Variants in PLCB1 observed in about 807,000 individuals in gnomAD.
PLCB1 encodes 1-phosphatidylinositol 4,5-bisphosphate phosphodiesterase beta-1.
A neutral mutation model predicts 161.8 loss-of-function variants in PLCB1; 46 were observed. The observed-to-expected ratio is 0.28, with a 90% CI of 0.22 to 0.36. The LOEUF (loss-of-function observed/expected upper bound fraction) is 0.36. PLCB1 is among the 10% of genes least tolerant of loss of function. The pLI, the probability that PLCB1 is intolerant of heterozygous loss-of-function variation, is 1.00. For synonymous variants in PLCB1, 517 were observed against 503.7 expected, an observed-to-expected ratio of 1.03 and a Z score of -0.35; for missense variants, 1,016 against 1,472.5, an observed-to-expected ratio of 0.69 and a Z score of 5.07.
intron 22 of PLCB1, among the ~76,000 whole-genome samples, 158 bp from the exon 23 acceptor site, chr20:8,741,306 G>A (rs1466094941): frequency 6.6e-6 from 1 of 152,176 alleles, no homozygotes; most frequent in African/African-American, 2.4e-5. Flanking sequence ...AATGGAAGAT[G>A]GATAATGACT....
intron 31 of PLCB1, among the ~76,000 whole-genome samples, chr20:8,796,806 A>G: frequency 6.6e-6 from 1 of 152,176 alleles, no homozygotes; most frequent in Non-Finnish European, 1.5e-5. Context: ...AATTTAATCT[A>G]ATAGACTTTT....
At chr20:8,253,042 T>G (rs1470030020) in intron 2 of PLCB1, among the ~76,000 whole-genome samples, 1 of 151,976 alleles carries the variant, frequency 6.6e-6, no homozygotes, top group East Asian at 1.9e-4. Context: ...TATGGTCTCC[T>G]GTAGCAAATA....
At chr20:8,821,018 C>T (rs1443818120) in intron 31 of PLCB1, among the ~76,000 whole-genome samples, 1 of 152,076 alleles carries the variant, frequency 6.6e-6, no homozygotes, top group African/African-American at 2.4e-5. Context: ...CTCTCATTAC[C>T]TCTGAGGAGT....
chr20:8,719,185 T>C (rs192187231), intron 14 of PLCB1, among the ~76,000 whole-genome samples: 1 of 152,290 alleles, frequency 6.6e-6, no homozygotes, highest in Non-Finnish European at 1.5e-5. Context: ...ACTTTTAAGC[T>C]TGACTGTAGG....
In PLCB1 at chr20:8,783,966, G is replaced by A. The variant is rs868407753; in HGVS notation, c.3112-4483G>A. Reference sequence around the variant, plus strand: ...ACAGCAGCTCCCAAGGGAAGCATGTGGGTGAGGCCATTCTCAGAAAGCAGA... The same window carrying A: ...ACAGCAGCTCCCAAGGGAAGCATGTAGGTGAGGCCATTCTCAGAAAGCAGA... On this transcript the variant is annotated intron_variant, in intron 27 of 31. Transcript: ENST00000338037. Among the ~76,000 whole-genome samples, 28 of 152,262 alleles carry A rather than the reference G, an allele frequency of 1.8e-4. 1 individual carries two copies. The Middle Eastern group carries it at 0.01, about 55-fold the overall frequency.
At chr20:8,161,106 C>A (rs1408991578) in intron 2 of PLCB1, among the ~76,000 whole-genome samples, 2 of 151,808 alleles carry the variant, frequency 1.3e-5, no homozygotes, top group Non-Finnish European at 2.9e-5. Flanking sequence ...TTTATCCTTG[C>A]CAGACACAAT....
chr20:8,548,782 G>A (rs1251663515), intron 3 of PLCB1, among the ~76,000 whole-genome samples: 1 of 151,846 alleles, frequency 6.6e-6, no homozygotes, highest in Non-Finnish European at 1.5e-5. Flanking sequence ...ATGTTCTCAA[G>A]CCTAACTTTG....
At chr20:8,228,676 AT>A (rs111749385) in intron 2 of PLCB1, among the ~76,000 whole-genome samples, 342 of 117,226 alleles carry the variant, frequency 2.9e-3, no homozygotes, top group African/African-American at 0.011. Flanking sequence ...CGCCCCACTA[AT>A]TTTTTTTTGT....
Position 8,398,675 on chromosome 20 carries a change from C to G in PLCB1, c.246+27225C>G, listed in dbSNP as rs573076146. On this transcript the variant is annotated intron_variant, in intron 3 of 31. Coordinates refer to ENST00000338037, the MANE Select transcript of PLCB1 (RefSeq NM_015192.4). ...TCCCAAAGTCCCTACCTCCAACGCC[C>G]TATCACGTTGGGGTTTAAGCGTCCA... Among the ~76,000 whole-genome samples the G allele has an allele frequency of 2.0e-5, 3 of 152,306 alleles. No homozygotes were observed. In the East Asian group the frequency reaches 5.8e-4, roughly 29 times the overall value.
chr20:8,733,505 T>A (rs918491673), intron 19 of PLCB1, 113 bp downstream of exon 19: 1 of 923,438 alleles, frequency 1.1e-6, no homozygotes, highest in Non-Finnish European at 1.7e-6. Context: ...GATTCTACTT[T>A]CTTCCTACAT....
intron 31 of PLCB1, among the ~76,000 whole-genome samples, chr20:8,867,149 G>A (rs1987456978): frequency 6.6e-6 from 1 of 152,208 alleles, no homozygotes; most frequent in Non-Finnish European, 1.5e-5. Flanking sequence ...CAGGCTTTGA[G>A]TCGAGAAAGT....
intron 2 of PLCB1, among the ~76,000 whole-genome samples, chr20:8,204,936 G>T (rs1021432348): frequency 6.6e-6 from 1 of 151,820 alleles, no homozygotes; most frequent in Non-Finnish European, 1.5e-5. Flanking sequence ...AATACTGGTT[G>T]CTTCTGCTTT....
Position 8,501,245 on chromosome 20 carries a change from A to T in PLCB1, c.247-127049A>T, listed in dbSNP as rs149984830. Among the ~76,000 whole-genome samples, 13 of 152,316 alleles carry T rather than the reference A, an allele frequency of 8.5e-5. No individual in the cohort carries two copies. In the East Asian group the frequency reaches 2.5e-3, roughly 29 times the overall value. ...ATCACTTGGCACAATTTCTAACTCT[A>T]AATTAATGTCTTCACTTATTTGCTT... On this transcript the variant is annotated intron_variant, in intron 3 of 31. Transcript: ENST00000338037.
Position 8,387,979 on chromosome 20 carries a change from A to ATTT in PLCB1, c.246+16529_246+16530insTTT, listed in dbSNP as rs1568657497. On this transcript the variant is annotated intron_variant, in intron 3 of 31. Transcript: ENST00000338037. ...TATGTATGTTTTACCACTTTTTTTA[A>ATTT]AAAAAAAAAAAAAAAAAAGAAGAAA... Among the ~76,000 whole-genome samples, 330 of 144,648 alleles carry ATTT rather than the reference A, an allele frequency of 2.3e-3. 2 individuals carry two copies. Among genetic ancestry groups the ATTT allele is most frequent in the African/African-American group, 7.9e-3 (316 of 39,842 alleles). 94.9% of individuals were successfully genotyped at this position (144,648 alleles called of 152,430 possible). A position where few individuals can be genotyped will look rare whatever the true frequency, so the allele number is the denominator to read the frequency against.
At chr20:8,224,181 A>G (rs1336646751) in intron 2 of PLCB1, among the ~76,000 whole-genome samples, 1 of 152,188 alleles carries the variant, frequency 6.6e-6, no homozygotes, top group Non-Finnish European at 1.5e-5. Context: ...TGAGCCAGGT[A>G]GATGTGGATT....
intron 23 of PLCB1, among the ~76,000 whole-genome samples, chr20:8,749,450 A>G (rs144740332): frequency 7.2e-5 from 11 of 152,318 alleles, no homozygotes; most frequent in East Asian, 5.8e-4. Flanking sequence ...GTGATTGACC[A>G]TAGTCCGTAC....
intron 2 of PLCB1, among the ~76,000 whole-genome samples, chr20:8,325,090 G>A (rs1446122382): frequency 6.6e-6 from 1 of 152,204 alleles, no homozygotes; most frequent in Non-Finnish European, 1.5e-5. Context: ...ATTCGCAGGA[G>A]TAGGAATAAT....
intron 3 of PLCB1, among the ~76,000 whole-genome samples, chr20:8,424,085 A>T (rs1191180188): frequency 6.6e-6 from 1 of 152,148 alleles, no homozygotes; most frequent in African/African-American, 2.4e-5. Context: ...ACAATTCCTT[A>T]TTGGCCTTGG....
In PLCB1 at chr20:8,884,724, A is replaced by G. The variant is rs983059234; in HGVS notation, c.*2875A>G. ...GAAGAAAAAAAAGATAGGACAAAGT[A>G]TTTGAAGCTCTTAAAATGTACATAT... On this transcript the variant is annotated 3_prime_UTR_variant, in exon 32 of 32. Transcript: ENST00000338037. 6 of 152,684 alleles carry G rather than the reference A, an allele frequency of 3.9e-5. No homozygotes were observed. The highest frequency in any genetic ancestry group is 1.2e-4 in the African/African-American group (5 of 41,474). The allele number at this position is 152,684 out of a possible 1,614,324, so 9.5% of individuals were successfully genotyped here. A position where few individuals can be genotyped will look rare whatever the true frequency, so the allele number is the denominator to read the frequency against.
Sources: gnomAD v4.1 joint callset for allele counts (sites outside exome capture counted in the v4.1 genomes callset) on GRCh38, gnomAD v4.1.1 for gene constraint, MANE v1.5 for transcripts, NCBI Gene and HGNC (gene_info 2026-07-23, HGNC 2026-07-21) for gene names.